The following IRF2 variants were observed in gnomAD, a reference collection of about 807,000 sequenced individuals.
The protein encoded by IRF2 is interferon regulatory factor 2.
A neutral mutation model predicts 40.6 loss-of-function variants in IRF2; 15 were observed. That is an observed-to-expected ratio of 0.37 (90% CI 0.25 to 0.57). The LOEUF (loss-of-function observed/expected upper bound fraction) is 0.57, where lower values mean the gene tolerates loss of function less well. Ranked by LOEUF, IRF2 falls within the 20% of genes least tolerant of loss-of-function variation. The probability of loss-of-function intolerance (pLI) is 0.77; values close to 1 mark genes in which losing one functional copy is unlikely to be tolerated. For missense variants in IRF2, 317 were observed against 455.7 expected, an observed-to-expected ratio of 0.70 and a Z score of 2.77; for synonymous variants, 151 against 165.5, an observed-to-expected ratio of 0.91 and a Z score of 0.67.
At chr4:184,421,329 A>G (rs1443883146) in intron 2 of IRF2, among the ~76,000 whole-genome samples, 2 of 152,192 alleles carry the variant, frequency 1.3e-5, no homozygotes, top group Non-Finnish European at 2.9e-5. Flanking sequence ...AAAGTGAGAG[A>G]CTTTTTCATA....
chr4:184,438,472 A>G (rs552833358), intron 1 of IRF2, among the ~76,000 whole-genome samples: 32 of 152,326 alleles, frequency 2.1e-4, no homozygotes, highest in African/African-American at 6.5e-4. Flanking sequence ...GCTTCCATTT[A>G]ATGTCACATT....
rs555393452 is a variant in IRF2 at position 184,463,158 on chromosome 4, C to T, written c.-7+11221G>A. ...ATGCTGCTTCTATAGAAATTCAGAG[C>T]ATTTCATTGTTTTAGGCTGAAGAGA... On this transcript the variant is annotated intron_variant, in intron 1 of 8. Transcript: ENST00000393593. Among the ~76,000 whole-genome samples the T allele has an allele frequency of 2.0e-5, 3 of 152,330 alleles. No individual in the cohort carries two copies. In the East Asian group the frequency reaches 5.8e-4, roughly 29 times the overall value.
At chr4:184,390,529 C>T (rs901468912) in intron 8 of IRF2, among the ~76,000 whole-genome samples, 174 bp downstream of exon 8, 2 of 152,132 alleles carry the variant, frequency 1.3e-5, no homozygotes, top group East Asian at 3.8e-4. Flanking sequence ...ATTTTATAAC[C>T]CCAAACCCAA....
intron 5 of IRF2, among the ~76,000 whole-genome samples, chr4:184,411,660 A>T (rs1178153323): frequency 6.6e-6 from 1 of 152,144 alleles, no homozygotes; most frequent in Non-Finnish European, 1.5e-5. Context: ...CTGGGTCACA[A>T]TTTTTGAAAT....
chr4:184,408,366 A>G lies in IRF2; in HGVS notation c.412-91T>C, dbSNP rs1026495656. The G allele has an allele frequency of 5.0e-6, 4 of 803,498 alleles. No individual in the cohort carries two copies. The African/African-American group carries it at 5.1e-5, about 10-fold the overall frequency. 49.8% of individuals were successfully genotyped at this position (803,498 alleles called of 1,614,324 possible). ...TTCTACCCTCTGCCTACTTTCTTTA[A>G]TGCTAGGGTCATTCATGTTCAGCTG... On this transcript the variant is annotated intron_variant, in intron 5 of 8. Transcript: ENST00000393593. The surrounding 1 kb of genome is among the most constrained non-coding windows in gnomAD (Gnocchi z 4.9).
Position 184,411,143 on chromosome 4 carries a change from C to T in IRF2, c.412-2868G>A, listed in dbSNP as rs3775558. Among the ~76,000 whole-genome samples the T allele has an allele frequency of 6.6e-3, 997 of 151,974 alleles. 23 individuals carry two copies. In the East Asian group the frequency reaches 0.078, roughly 12 times the overall value. ...CGTGATCTTGGCTCACTGCAACCTC[C>T]ACCTCCCGGGTTCAAGAGATTCTCC... On this transcript the variant is annotated intron_variant, in intron 5 of 8. Transcript: ENST00000393593.
chr4:184,434,569 G>A (rs1312826312), intron 1 of IRF2, among the ~76,000 whole-genome samples: 1 of 152,202 alleles, frequency 6.6e-6, no homozygotes, highest in Non-Finnish European at 1.5e-5. Context: ...AAGGCACGTT[G>A]TAAAATCATC....
At chr4:184,418,755 A>G in intron 3 of IRF2, 47 bp from the exon 4 acceptor site, 1 of 1,519,218 alleles carries the variant, frequency 6.6e-7, no homozygotes, top group Non-Finnish European at 9.0e-7. Flanking sequence ...AACATTAGAT[A>G]CAGAGGAAGG....
At chr4:184,473,200 C>A (rs1739582338) in intron 1 of IRF2, among the ~76,000 whole-genome samples, 1 of 151,348 alleles carries the variant, frequency 6.6e-6, no homozygotes, top group African/African-American at 2.4e-5. Context: ...TGTCACCCGG[C>A]GCCCGGAGCC....
chr4:184,468,542 T>A (rs1739410721), intron 1 of IRF2, among the ~76,000 whole-genome samples: 1 of 151,966 alleles, frequency 6.6e-6, no homozygotes, highest in Non-Finnish European at 1.5e-5. Flanking sequence ...ATGAGTCCCA[T>A]TTCTGTATGG....
At chr4:184,463,631 A>G (rs928392765) in intron 1 of IRF2, among the ~76,000 whole-genome samples, 1 of 152,064 alleles carries the variant, frequency 6.6e-6, no homozygotes, top group Admixed American at 6.6e-5. Context: ...TTATATTTGT[A>G]TTGGACAATA....
chr4:184,391,907 T>G (rs929026835), intron 7 of IRF2, among the ~76,000 whole-genome samples: 3 of 152,098 alleles, frequency 2.0e-5, no homozygotes, highest in African/African-American at 7.2e-5. Flanking sequence ...GAGGATTACA[T>G]GGAGAGTGAG....
At position 184,474,407 on chromosome 4, in the gene IRF2, A is replaced by G. The variant is rs1739648617; in HGVS notation, c.-35T>C. The stretch of plus-strand genomic sequence containing the variant: ...TCAGTGTGCTTTTTTCACGCTACCA[A>G]TACAATTCCGCAAGGTATAAGTGTT... On this transcript the variant is annotated 5_prime_UTR_variant, in exon 1 of 9. Coordinates refer to ENST00000393593, the MANE Select transcript of IRF2 (RefSeq NM_002199.4). The surrounding 1 kb of genome is among the most constrained non-coding windows in gnomAD (Gnocchi z 5.6). 1 of 152,224 alleles carries G rather than the reference A, an allele frequency of 6.6e-6. No homozygotes were observed. The highest frequency in any genetic ancestry group is 1.5e-5 in the Non-Finnish European group (1 of 68,062). 9.4% of individuals were successfully genotyped at this position (152,224 alleles called of 1,614,324 possible). A position where few individuals can be genotyped will look rare whatever the true frequency, so the allele number is the denominator to read the frequency against.
chr4:184,456,692 C>T lies in IRF2; in HGVS notation c.-7+17687G>A, dbSNP rs1039293435. Among the ~76,000 whole-genome samples the T allele has an allele frequency of 4.6e-5, 7 of 151,626 alleles. No individual in the cohort carries two copies. The East Asian group carries it at 7.7e-4, about 17-fold the overall frequency. ...CCCAGGGGCACCAATGTCCTGCAGG[C>T]GCCTCTGTGTCTGGACAGCAAATAA... On this transcript the variant is annotated intron_variant, in intron 1 of 8. Transcript: ENST00000393593.
At chr4:184,420,638 G>A (rs890829584) in intron 2 of IRF2, among the ~76,000 whole-genome samples, 4 of 152,132 alleles carry the variant, frequency 2.6e-5, no homozygotes, top group African/African-American at 4.8e-5. Context: ...TAACAAAGCC[G>A]TACTCTTAGT....
intron 2 of IRF2, 94 bp from the exon 3 acceptor site, chr4:184,419,662 C>A (rs903385986): frequency 2.0e-5 from 16 of 810,414 alleles, no homozygotes; most frequent in Non-Finnish European, 3.0e-5. Context: ...CAGCAAGATT[C>A]CCCAGCAAGC....
chr4:184,440,919 A>G (rs796989), intron 1 of IRF2, among the ~76,000 whole-genome samples: 2,874 of 152,240 alleles, frequency 0.019, 91 homozygotes, highest in African/African-American at 0.065. Context: ...GGATACCCAA[A>G]AAGAGGTGAT....
At chr4:184,404,919 C>T (rs1736796759) in intron 6 of IRF2, among the ~76,000 whole-genome samples, 1 of 152,138 alleles carries the variant, frequency 6.6e-6, no homozygotes, top group Non-Finnish European at 1.5e-5. Flanking sequence ...GGCTACTACA[C>T]GAAGGGAAGC....
chr4:184,459,801 G>A (rs1043556100), intron 1 of IRF2, among the ~76,000 whole-genome samples: 1 of 152,142 alleles, frequency 6.6e-6, no homozygotes, highest in Non-Finnish European at 1.5e-5. Context: ...AAACCATCGT[G>A]AGCTACCACT....
Sources: allele counts gnomAD v4.1 joint callset (sites outside exome capture counted in the v4.1 genomes callset), GRCh38; gene constraint gnomAD v4.1.1; non-coding constraint Gnocchi (gnomAD v3.1); transcripts MANE v1.5; gene names NCBI Gene and HGNC (gene_info 2026-07-23, HGNC 2026-07-21).